Variants in TRPM3 observed in about 807,000 individuals in gnomAD.
The protein encoded by TRPM3 is long transient receptor potential channel 3.
A neutral mutation model predicts 181.2 loss-of-function variants in TRPM3; 77 were observed. That is an observed-to-expected ratio of 0.42 (90% confidence interval 0.35 to 0.51). The LOEUF (loss-of-function observed/expected upper bound fraction) is 0.51, where lower values mean the gene tolerates loss of function less well. Among genes scored for constraint, TRPM3 ranks in the 20% least tolerant of loss-of-function variants. The probability of loss-of-function intolerance (pLI) is 0.01; values close to 1 mark genes in which losing one functional copy is unlikely to be tolerated. For synonymous variants in TRPM3, 745 were observed against 796.4 expected (o/e 0.94, Z 1.09); for missense variants, 1,759 against 2,196.7 (o/e 0.80, Z 3.98).
intron 8 of TRPM3, among the ~76,000 whole-genome samples, chr9:70,754,851 G>A (rs2076774996): frequency 6.6e-6 from 1 of 152,162 alleles, no homozygotes; most frequent in South Asian, 2.1e-4. Flanking sequence ...GGAGCCTAAT[G>A]AGTAGAAAAC....
At chr9:71,160,091 G>C (rs1471641326) in intron 1 of TRPM3, among the ~76,000 whole-genome samples, 2 of 152,010 alleles carry the variant, frequency 1.3e-5, no homozygotes, top group Non-Finnish European at 2.9e-5. Flanking sequence ...TTCAGCTCTA[G>C]TTATACTGGC....
At chr9:70,669,217 C>A (rs2062446212) in intron 9 of TRPM3, among the ~76,000 whole-genome samples, 1 of 152,202 alleles carries the variant, frequency 6.6e-6, no homozygotes, top group Admixed American at 6.5e-5. Flanking sequence ...GTTCTTCCTT[C>A]AAACATCAGC....
At chr9:70,837,380 A>C (rs1296542913) in intron 5 of TRPM3, among the ~76,000 whole-genome samples, 1 of 152,220 alleles carries the variant, frequency 6.6e-6, no homozygotes. Flanking sequence ...TGGAGAAATA[A>C]ATCTATAGTT....
chr9:71,396,109 A>G (rs2093185284), intron 1 of TRPM3, among the ~76,000 whole-genome samples: 1 of 152,190 alleles, frequency 6.6e-6, no homozygotes, highest in Non-Finnish European at 1.5e-5. Context: ...TAAAAAACAA[A>G]TTCAAGCAGG....
intron 3 of TRPM3, among the ~76,000 whole-genome samples, chr9:70,860,637 T>C (rs2095498069): frequency 6.6e-6 from 1 of 152,186 alleles, no homozygotes; most frequent in South Asian, 2.1e-4. Flanking sequence ...TGAGAACTTC[T>C]GGAATAATTT....
At chr9:71,218,901 C>G (rs1227977779) in intron 1 of TRPM3, among the ~76,000 whole-genome samples, 1 of 152,170 alleles carries the variant, frequency 6.6e-6, no homozygotes, top group African/African-American at 2.4e-5. Context: ...TTACAGTCTA[C>G]TGGGAAAAGT....
chr9:71,002,976 T>A (rs940075962), intron 1 of TRPM3, among the ~76,000 whole-genome samples: 6 of 152,204 alleles, frequency 3.9e-5, no homozygotes, highest in Admixed American at 2.6e-4. Flanking sequence ...GGTCCAGGAC[T>A]CTATCAAGAA....
chr9:70,819,393 C>A, intron 6 of TRPM3, among the ~76,000 whole-genome samples: 1 of 152,100 alleles, frequency 6.6e-6, no homozygotes, highest in East Asian at 1.9e-4. Context: ...CCTCAAATAC[C>A]AAATTTGATT....
At chr9:70,898,765 A>G (rs2096335528) in intron 1 of TRPM3, among the ~76,000 whole-genome samples, 1 of 141,362 alleles carries the variant, frequency 7.1e-6, no homozygotes, top group African/African-American at 2.6e-5. Context: ...AAAAAAAAAA[A>G]AGAAAAGAAA....
chr9:70,944,384 C>T (rs374872294), intron 1 of TRPM3, among the ~76,000 whole-genome samples: 52 of 152,272 alleles, frequency 3.4e-4, no homozygotes, highest in African/African-American at 9.9e-4. Flanking sequence ...TGGGTTCAAC[C>T]GCTTTAGACA....
In TRPM3 at chr9:70,536,532, A is replaced by G. The variant is rs750526505; in HGVS notation, c.4581T>C (p.Ala1527=). ...LATTPFLLEE[A]PIVKSHSFMF... The stretch of plus-strand genomic sequence containing the variant: ...TAAAGCTATGAGATTTCACAATGGG[A>G]GCCTCTTCTAGAAGAAAGGGTGTGG... The change falls in exon 26 of 26, where the codon GCT becomes GCC. Residue 1527 remains alanine (A), a synonymous_variant. Coordinates refer to ENST00000677713, the MANE Select transcript of TRPM3 (RefSeq NM_001366145.2). The G allele has an allele frequency of 7.4e-6, 12 of 1,613,884 alleles. No homozygotes were observed. In the Admixed American group the frequency reaches 1.0e-4, roughly 13 times the overall value.
chr9:71,225,026 G>A (rs890486289), intron 1 of TRPM3, among the ~76,000 whole-genome samples: 1 of 152,096 alleles, frequency 6.6e-6, no homozygotes, highest in African/African-American at 2.4e-5. Context: ...AGAGAGATAG[G>A]GGTAGAATGT....
At chr9:70,557,768 T>C (rs2048083241) in intron 22 of TRPM3, among the ~76,000 whole-genome samples, 1 of 152,198 alleles carries the variant, frequency 6.6e-6, no homozygotes, top group Non-Finnish European at 1.5e-5. Flanking sequence ...GGGTGGCTTT[T>C]CTCTCAGTCC....
intron 1 of TRPM3, among the ~76,000 whole-genome samples, chr9:71,351,770 A>C (rs2091638499): frequency 6.6e-6 from 1 of 152,202 alleles, no homozygotes; most frequent in Non-Finnish European, 1.5e-5. Flanking sequence ...TAAATGTCCT[A>C]AATGATAAAC....
chr9:71,434,798 T>C (rs1413618630), intron 1 of TRPM3, among the ~76,000 whole-genome samples: 17 of 152,176 alleles, frequency 1.1e-4, no homozygotes, highest in Admixed American at 1.1e-3. Flanking sequence ...CCTTTCTTTC[T>C]TGCCTATTAA....
intron 5 of TRPM3, among the ~76,000 whole-genome samples, chr9:70,829,323 A>G (rs1441281276): frequency 2.0e-5 from 3 of 152,162 alleles, no homozygotes; most frequent in Non-Finnish European, 4.4e-5. Context: ...TTAGACCTTG[A>G]TTCTGATTCA....
intron 1 of TRPM3, among the ~76,000 whole-genome samples, chr9:70,933,336 G>GAGAGGAGTAAA (rs1469166922): frequency 1.3e-5 from 2 of 152,238 alleles, no homozygotes; most frequent in East Asian, 3.9e-4. Flanking sequence ...GAGAGTAAAG[G>GAGAGGAGTAAA]GTAAGAGGAG....
At chr9:71,221,467 C>G (rs772295558) in intron 1 of TRPM3, among the ~76,000 whole-genome samples, 1 of 152,016 alleles carries the variant, frequency 6.6e-6, no homozygotes, top group Non-Finnish European at 1.5e-5. Flanking sequence ...TTAAAAGTTA[C>G]TATTGAGCAA....
At chr9:71,302,192 A>G (rs1255940595) in intron 1 of TRPM3, among the ~76,000 whole-genome samples, 4 of 152,178 alleles carry the variant, frequency 2.6e-5, no homozygotes, top group Non-Finnish European at 5.9e-5. Context: ...AAAAAAATCA[A>G]CTGTAGTTAT....
Sources: gnomAD v4.1 joint callset for allele counts (sites outside exome capture counted in the v4.1 genomes callset) on GRCh38, gnomAD v4.1.1 for gene constraint, MANE v1.5 for transcripts, NCBI Gene and HGNC (gene_info 2026-07-23, HGNC 2026-07-21) for gene names.